Variants in ANKRD31 observed in about 807,000 individuals in gnomAD.
ANKRD31 encodes ankyrin repeat domain-containing protein 31.
Under a neutral mutation model 186.0 loss-of-function variants are expected in ANKRD31, and 147 were observed. The ratio of observed to expected loss-of-function variants is 0.79; its 90% CI spans 0.69 to 0.91. The LOEUF is 0.91. Ranked by LOEUF, ANKRD31 falls within the 40% of genes least tolerant of loss-of-function variation. ANKRD31 has a pLI of 0.00. For missense variants in ANKRD31, 1,986 were observed against 2,148.8 expected, an observed-to-expected ratio of 0.92 and a Z score of 1.50; for synonymous variants, 673 against 736.4, an observed-to-expected ratio of 0.91 and a Z score of 1.39.
chr5:75,228,943 G>A (rs1561553984), intron 2 of ANKRD31, among the ~76,000 whole-genome samples: 1 of 152,202 alleles, frequency 6.6e-6, no homozygotes, highest in Non-Finnish European at 1.5e-5. Context: ...GGTATCAGGT[G>A]AGATGATGTA....
intron 11 of ANKRD31, among the ~76,000 whole-genome samples, chr5:75,160,546 A>G (rs1485036264): frequency 2.0e-5 from 3 of 152,222 alleles, no homozygotes; most frequent in Non-Finnish European, 4.4e-5. Flanking sequence ...AGAGATGGTA[A>G]GATGTGATTC....
At position 75,157,767 on chromosome 5, in the gene ANKRD31, C is replaced by T. The variant is rs186295106; in HGVS notation, c.1708-3422G>A. 3.3e-5 allele frequency among the ~76,000 whole-genome samples: 5 copies of T among 152,230 alleles called. 1 individual carries two copies. In the East Asian group the frequency reaches 9.7e-4, roughly 29 times the overall value. On this transcript the variant is annotated intron_variant, in intron 11 of 25. Coordinates refer to ENST00000506364, the MANE Select transcript of ANKRD31 (RefSeq NM_001372053.1). The stretch of plus-strand genomic sequence containing the variant: ...GAATCCCTGTGACACACGGTAAACT[C>T]ACAAGGTTTTTTGAAAATGCTCTGT...
chr5:75,189,475 A>G (rs1347551626), intron 9 of ANKRD31, among the ~76,000 whole-genome samples: 1 of 152,172 alleles, frequency 6.6e-6, no homozygotes, highest in Non-Finnish European at 1.5e-5. Context: ...TTAATGGACG[A>G]CATATCAACT....
In ANKRD31 at chr5:75,148,509, T is replaced by C. The variant is rs948587461; in HGVS notation, c.1905+67A>G. ...GCTTCAGCAGTCTTTCTCTTCCCTT[T>C]GACAATCTATGAAACAACCAGAAGT... On this transcript the variant is annotated intron_variant, in intron 13 of 25. Transcript: ENST00000506364. 6.1e-6 allele frequency: 7 copies of C among 1,145,218 alleles called. No individual in the cohort carries two copies. In the African/African-American group the frequency reaches 6.4e-5, roughly 10 times the overall value. The allele number at this position is 1,145,218 out of a possible 1,614,324, so 70.9% of individuals were successfully genotyped here. A position where few individuals can be genotyped will look rare whatever the true frequency, so the allele number is the denominator to read the frequency against.
intron 9 of ANKRD31, among the ~76,000 whole-genome samples, chr5:75,191,045 AT>A (rs1561521879): frequency 6.6e-6 from 1 of 152,066 alleles, no homozygotes; most frequent in Non-Finnish European, 1.5e-5. Flanking sequence ...TATGTAGTTA[AT>A]TTTATGATTT....
Position 75,236,830 on chromosome 5 carries a change from G to A in ANKRD31, c.-144C>T. 2.8e-6 allele frequency: 2 copies of A among 702,952 alleles called. No homozygotes were observed. Among genetic ancestry groups the A allele is most frequent in the Admixed American group, 3.4e-5 (1 of 29,752 alleles). 43.5% of individuals were successfully genotyped at this position (702,952 alleles called of 1,614,324 possible). On this transcript the variant is annotated 5_prime_UTR_variant, in exon 1 of 26. Transcript: ENST00000506364. ...AGCAGGAGCCGGGACTTGTCGCAGGGCTGCTGAGGAGGACGCAGGCGGCCG... is the reference window on the plus strand; with the variant it reads ...AGCAGGAGCCGGGACTTGTCGCAGGACTGCTGAGGAGGACGCAGGCGGCCG...
intron 15 of ANKRD31, among the ~76,000 whole-genome samples, chr5:75,141,397 A>T (rs1377142351): frequency 6.6e-6 from 1 of 152,046 alleles, no homozygotes; most frequent in East Asian, 1.9e-4. Context: ...TTTGAAAATT[A>T]TATCTCAGAT....
At chr5:75,157,376 T>C (rs979390908) in intron 11 of ANKRD31, among the ~76,000 whole-genome samples, 2 of 152,110 alleles carry the variant, frequency 1.3e-5, no homozygotes, top group African/African-American at 4.8e-5. Context: ...GCACTGAGAG[T>C]GCAACCTGGT....
At chr5:75,169,186 C>T in intron 10 of ANKRD31, 65 bp from the exon 11 acceptor site, 1 of 1,479,548 alleles carries the variant, frequency 6.8e-7, no homozygotes, top group Admixed American at 2.2e-5. Flanking sequence ...TGTGCTTGCC[C>T]TTAAAAAACA....
intron 22 of ANKRD31, among the ~76,000 whole-genome samples, 169 bp from the exon 23 acceptor site, chr5:75,091,570 G>T (rs1339496331): frequency 6.6e-6 from 1 of 152,114 alleles, no homozygotes; most frequent in Non-Finnish European, 1.5e-5. Context: ...TGCAGCAAAT[G>T]ATGAACCATC....
intron 11 of ANKRD31, among the ~76,000 whole-genome samples, chr5:75,154,816 C>A (rs558967402): frequency 6.6e-6 from 1 of 152,104 alleles, no homozygotes; most frequent in African/African-American, 2.4e-5. Context: ...TCCGTCTATA[C>A]CTGTGCTGCC....
chr5:75,218,744 C>T (rs919979912), intron 3 of ANKRD31, among the ~76,000 whole-genome samples: 2 of 152,126 alleles, frequency 1.3e-5, no homozygotes, highest in Non-Finnish European at 2.9e-5. Context: ...CAACAAAAAG[C>T]TAATTCACCA....
chr5:75,212,902 C>A (rs1376103253), intron 3 of ANKRD31, among the ~76,000 whole-genome samples: 1 of 152,162 alleles, frequency 6.6e-6, no homozygotes, highest in East Asian at 1.9e-4. Flanking sequence ...AACTTGCAAG[C>A]ATTTTCATGA....
intron 10 of ANKRD31, among the ~76,000 whole-genome samples, chr5:75,179,516 C>A (rs1288065446): frequency 1.3e-5 from 2 of 152,296 alleles, no homozygotes; most frequent in East Asian, 1.9e-4. Flanking sequence ...TCCAACAGCA[C>A]ATCAAAAAGT....
intron 13 of ANKRD31, among the ~76,000 whole-genome samples, chr5:75,148,007 T>C (rs1016758999): frequency 1.3e-5 from 2 of 151,840 alleles, no homozygotes; most frequent in African/African-American, 4.8e-5. Flanking sequence ...CACAAATGCT[T>C]TAGAAACACT....
chr5:75,172,092 C>A (rs1265377989), intron 10 of ANKRD31, among the ~76,000 whole-genome samples: 1 of 151,564 alleles, frequency 6.6e-6, no homozygotes, highest in Non-Finnish European at 1.5e-5. Context: ...AAATCACAGA[C>A]AAAAGAATTA....
chr5:75,070,959 C>G (rs1744180526), intron 25 of ANKRD31, among the ~76,000 whole-genome samples: 1 of 152,142 alleles, frequency 6.6e-6, no homozygotes, highest in African/African-American at 2.4e-5. Context: ...TTGATTTGGT[C>G]AAATATTAAT....
intron 24 of ANKRD31, among the ~76,000 whole-genome samples, chr5:75,082,420 T>C (rs2150015629): frequency 6.6e-6 from 1 of 152,146 alleles, no homozygotes; most frequent in South Asian, 2.1e-4. Context: ...CCCCAAATGG[T>C]CAAAGACAGG....
intron 3 of ANKRD31, among the ~76,000 whole-genome samples, chr5:75,213,687 T>C (rs965540461): frequency 1.2e-4 from 18 of 152,198 alleles, no homozygotes; most frequent in Non-Finnish European, 2.5e-4. Context: ...CATTAAACCG[T>C]AGAGTTTTCT....
Sources: gnomAD v4.1 joint callset for allele counts (sites outside exome capture counted in the v4.1 genomes callset) on GRCh38, gnomAD v4.1.1 for gene constraint, MANE v1.5 for transcripts, NCBI Gene and HGNC (gene_info 2026-07-23, HGNC 2026-07-21) for gene names.